The following SLCO1B3 variants were observed in gnomAD, a reference collection of about 807,000 sequenced individuals.
SLCO1B3 encodes the protein solute carrier organic anion transporter family member 1B3, also known as liver-specific organic anion transporter 2.
Under a neutral mutation model 71.8 loss-of-function variants are expected in SLCO1B3, and 72 were observed. The observed-to-expected ratio is 1.00, with a 90% CI of 0.83 to 1.22. The LOEUF (loss-of-function observed/expected upper bound fraction) is 1.22, where lower values mean the gene tolerates loss of function less well. Among genes scored for constraint, SLCO1B3 ranks in the 50% most tolerant of loss-of-function variants. The probability of loss-of-function intolerance (pLI) is 0.00; values close to 1 mark genes in which losing one functional copy is unlikely to be tolerated. For synonymous variants in SLCO1B3, 298 were observed against 278.4 expected (o/e 1.07, Z -0.70); for missense variants, 911 against 819.7 (o/e 1.11, Z -1.36).
chr12:20,850,484 G>T (rs185845930), intron 3 of SLCO1B3, among the ~76,000 whole-genome samples: 341 of 151,704 alleles, frequency 2.2e-3, no homozygotes, highest in Middle Eastern at 6.8e-3. Context: ...AGGTTTCACC[G>T]CATTAGCCAG....
intron 15 of SLCO1B3, among the ~76,000 whole-genome samples, chr12:20,903,806 T>C (rs1463802082): frequency 1.3e-5 from 2 of 152,174 alleles, no homozygotes; most frequent in Non-Finnish European, 1.5e-5. Context: ...GTTCTTCTCA[T>C]ATTGCAAAAT....
rs569511829 is a variant in SLCO1B3 at position 20,890,727 on chromosome 12, G to C, written c.1682+7125G>C. Among the ~76,000 whole-genome samples the C allele has an allele frequency of 2.2e-4, 33 of 152,224 alleles. No individual in the cohort carries two copies. The Middle Eastern group carries it at 0.01, about 47-fold the overall frequency. On this transcript the variant is annotated intron_variant, in intron 13 of 15. Transcript: ENST00000381545. ...ATGTTGGGTTTATATGTTTGGAATT[G>C]TTATATCTTCTTGTTTAATTGATCC...
intron 12 of SLCO1B3, among the ~76,000 whole-genome samples, chr12:20,882,280 G>C (rs1382200534): frequency 6.6e-6 from 1 of 152,106 alleles, no homozygotes; most frequent in Admixed American, 6.5e-5. Flanking sequence ...AATGCTCTCT[G>C]TATCAAAGTT....
intron 3 of SLCO1B3, among the ~76,000 whole-genome samples, chr12:20,847,210 T>C (rs11045555): frequency 0.67 from 100,305 of 150,714 alleles, 36,348 homozygotes; most frequent in South Asian, 0.84. Flanking sequence ...TTACCAAAGG[T>C]GGAAGAATTA....
chr12:20,824,764 A>T lies in SLCO1B3; in HGVS notation c.84+8942A>T, dbSNP rs117297430. On this transcript the variant is annotated intron_variant, in intron 3 of 15. Transcript: ENST00000381545. Reference sequence around the variant, plus strand: ...CTGTGTGACTTTACTATACCAAATAAGTCAAATATGTCTCTTTTGGACTTC... The same window carrying T: ...CTGTGTGACTTTACTATACCAAATATGTCAAATATGTCTCTTTTGGACTTC... Among the ~76,000 whole-genome samples the T allele has an allele frequency of 1.6e-3, 245 of 152,312 alleles. 4 individuals are homozygous for T. In the East Asian group the frequency reaches 0.025, roughly 16 times the overall value.
At chr12:20,835,832 G>A (rs1864666987) in intron 3 of SLCO1B3, among the ~76,000 whole-genome samples, 1 of 152,088 alleles carries the variant, frequency 6.6e-6, no homozygotes, top group South Asian at 2.1e-4. Context: ...CAGTTCCAAA[G>A]CTGCTTCCCC....
chr12:20,813,982 C>A (rs1179282714), intron 2 of SLCO1B3, among the ~76,000 whole-genome samples: 1 of 151,984 alleles, frequency 6.6e-6, no homozygotes, highest in Non-Finnish European at 1.5e-5. Context: ...ATATAGATAA[C>A]ATTGATATTT....
chr12:20,841,719 C>T (rs561136148), intron 3 of SLCO1B3, among the ~76,000 whole-genome samples: 6 of 152,098 alleles, frequency 3.9e-5, no homozygotes, highest in East Asian at 3.9e-4. Flanking sequence ...TAGATTTCAC[C>T]CTCCTCCTAC....
intron 14 of SLCO1B3, among the ~76,000 whole-genome samples, chr12:20,900,000 A>C (rs1866096371): frequency 6.6e-6 from 1 of 152,214 alleles, no homozygotes; most frequent in Admixed American, 6.5e-5. Context: ...AGGTATTTAG[A>C]AAATAGGTTA....
intron 3 of SLCO1B3, among the ~76,000 whole-genome samples, chr12:20,850,547 G>A (rs113605967): frequency 7.0e-4 from 106 of 152,196 alleles, no homozygotes; most frequent in Middle Eastern, 6.8e-3. Flanking sequence ...CTCCCAAAGC[G>A]CTGGGAATAT....
At chr12:20,856,868 AC>A (rs1417922337) in intron 4 of SLCO1B3, among the ~76,000 whole-genome samples, 1 of 152,098 alleles carries the variant, frequency 6.6e-6, no homozygotes, top group African/African-American at 2.4e-5. Context: ...GCAATACTAC[AC>A]CTTTTTACCT....
intron 4 of SLCO1B3, among the ~76,000 whole-genome samples, chr12:20,856,621 C>T (rs1194210185): frequency 6.6e-6 from 1 of 152,118 alleles, no homozygotes; most frequent in African/African-American, 2.4e-5. Context: ...GTGCAGTGCC[C>T]TGATGTCATC....
chr12:20,900,700 A>C (rs933108894), intron 14 of SLCO1B3, among the ~76,000 whole-genome samples: 1 of 152,162 alleles, frequency 6.6e-6, no homozygotes, highest in Non-Finnish European at 1.5e-5. Flanking sequence ...TAAAAAGTGC[A>C]TGAAATCAAT....
chr12:20,906,414 A>G (rs1216225784), intron 15 of SLCO1B3, among the ~76,000 whole-genome samples: 1 of 152,188 alleles, frequency 6.6e-6, no homozygotes, highest in Non-Finnish European at 1.5e-5. Context: ...ATGATATTGT[A>G]ATATTGGATC....
chr12:20,880,093 A>T (rs1431910285), intron 11 of SLCO1B3, among the ~76,000 whole-genome samples: 1 of 77,372 alleles, frequency 1.3e-5, no homozygotes, highest in Non-Finnish European at 4.3e-5. Flanking sequence ...ATATTTTATA[A>T]ATCCTTAATA....
At chr12:20,841,884 GTTTTTT>G (rs57925057) in intron 3 of SLCO1B3, among the ~76,000 whole-genome samples, 1 of 132,264 alleles carries the variant, frequency 7.6e-6, no homozygotes. Flanking sequence ...GTTGGATGTA[GTTTTTT>G]TTTTTTTTTT....
chr12:20,811,056 T>C (rs1342860785), intron 1 of SLCO1B3, among the ~76,000 whole-genome samples: 2 of 152,150 alleles, frequency 1.3e-5, no homozygotes, highest in Admixed American at 1.3e-4. Context: ...ACATGAAGTC[T>C]GAAAGGATGG....
At chr12:20,889,049 A>G (rs753989794) in intron 13 of SLCO1B3, among the ~76,000 whole-genome samples, 1 of 148,952 alleles carries the variant, frequency 6.7e-6, no homozygotes, top group Non-Finnish European at 1.5e-5. Flanking sequence ...TCCACTTTTC[A>G]TTGCGATGAA....
rs1013531945 is a variant in SLCO1B3 at position 20,862,830 on chromosome 12, G to A, written c.703G>A (p.Val235Met). The A allele has an allele frequency of 2.1e-5, 33 of 1,594,796 alleles. No homozygotes were observed. The highest frequency in any genetic ancestry group is 4.5e-5 in the East Asian group (2 of 44,746). Residue 235 changes from valine (V) to methionine (M), a missense_variant, in exon 8 of 16, where the codon GTG (valine) becomes ATG (methionine). Val to Met is a conservative substitution (Grantham distance 21). Coordinates refer to ENST00000381545, the MANE Select transcript of SLCO1B3 (RefSeq NM_019844.4). ...GGGATCTCTGTTTGCTAAAATGTAC[G>A]TGGATATTGGATATGTAGATCTGAG... Reference protein sequence around the residue: ...ALGSLFAKMYVDIGYVDLSTI... With the variant: ...ALGSLFAKMYMDIGYVDLSTI...
Sources: allele counts gnomAD v4.1 joint callset (sites outside exome capture counted in the v4.1 genomes callset), GRCh38; gene constraint gnomAD v4.1.1; transcripts MANE v1.5; gene names NCBI Gene and HGNC (gene_info 2026-07-23, HGNC 2026-07-21).